The following THSD7B variants were observed in gnomAD, a reference collection of about 807,000 sequenced individuals.
THSD7B encodes thrombospondin type 1 domain containing 7B, also known as thrombospondin type-1 domain-containing protein 7B.
A neutral mutation model predicts 213.6 loss-of-function variants in THSD7B; 138 were observed. The ratio of observed to expected loss-of-function variants is 0.65; its 90% CI spans 0.56 to 0.74. The LOEUF (loss-of-function observed/expected upper bound fraction) is 0.74. Among genes scored for constraint, THSD7B ranks in the 30% least tolerant of loss-of-function variants. The pLI, the probability that THSD7B is intolerant of heterozygous loss-of-function variation, is 0.00. For missense variants in THSD7B, 1,931 were observed against 1,991.5 expected, an observed-to-expected ratio of 0.97 and a Z score of 0.58; for synonymous variants, 742 against 687.0, an observed-to-expected ratio of 1.08 and a Z score of -1.25.
intron 15 of THSD7B, among the ~76,000 whole-genome samples, chr2:137,482,852 G>A (rs1028394765): frequency 6.6e-6 from 1 of 152,198 alleles, no homozygotes; most frequent in Admixed American, 6.5e-5. Context: ...GGAAAGGCAG[G>A]AAGTGGGTGG....
intron 2 of THSD7B, among the ~76,000 whole-genome samples, chr2:137,033,087 TA>T (rs760074674): frequency 1.3e-4 from 20 of 152,156 alleles, no homozygotes; most frequent in Non-Finnish European, 2.4e-4. Flanking sequence ...GTGCTGAAAT[TA>T]AATTACATCA....
intron 7 of THSD7B, among the ~76,000 whole-genome samples, chr2:137,205,376 T>C (rs1420462526): frequency 6.6e-6 from 1 of 152,056 alleles, no homozygotes; most frequent in Non-Finnish European, 1.5e-5. Context: ...ATTCTTCCAG[T>C]CAACATAATT....
intron 15 of THSD7B, among the ~76,000 whole-genome samples, chr2:137,544,913 G>T (rs1680680494): frequency 6.6e-6 from 1 of 151,726 alleles, no homozygotes; most frequent in African/African-American, 2.4e-5. Context: ...AATAGCAGTG[G>T]TATTTTTGGA....
chr2:136,823,110 CGTGAAAGAGATGTGTAT>C (rs1682591941), intron 1 of THSD7B, among the ~76,000 whole-genome samples: 1 of 151,970 alleles, frequency 6.6e-6, no homozygotes, highest in Non-Finnish European at 1.5e-5. Flanking sequence ...GGTTATTTAA[CGTGAAAGAGATGTGTAT>C]CATATGGAGG....
chr2:137,521,956 C>G (rs887670033), intron 15 of THSD7B, among the ~76,000 whole-genome samples: 1 of 152,144 alleles, frequency 6.6e-6, no homozygotes, highest in Non-Finnish European at 1.5e-5. Context: ...ACCCAGTGTT[C>G]GAATCCCTCC....
intron 2 of THSD7B, among the ~76,000 whole-genome samples, chr2:136,985,917 C>T (rs1685665206): frequency 6.6e-6 from 1 of 152,258 alleles, no homozygotes; most frequent in Non-Finnish European, 1.5e-5. Flanking sequence ...GGATGTGGTA[C>T]ATGGAGTCAA....
chr2:136,952,692 T>C (rs1297816005), intron 2 of THSD7B, among the ~76,000 whole-genome samples: 2 of 152,292 alleles, frequency 1.3e-5, no homozygotes, highest in African/African-American at 4.8e-5. Flanking sequence ...ATTTCTATTG[T>C]GTTTTATGTT....
intron 15 of THSD7B, among the ~76,000 whole-genome samples, chr2:137,528,218 A>G (rs1220011479): frequency 6.6e-6 from 1 of 152,082 alleles, no homozygotes; most frequent in East Asian, 1.9e-4. Flanking sequence ...GTTTCATTGT[A>G]TAGTTTGGAA....
intron 17 of THSD7B, among the ~76,000 whole-genome samples, chr2:137,608,204 T>C (rs1682223287): frequency 6.6e-6 from 1 of 152,162 alleles, no homozygotes; most frequent in Non-Finnish European, 1.5e-5. Context: ...AGCTTGGCTC[T>C]CTCATTCTTT....
chr2:137,417,573 A>G (rs1466723263), intron 14 of THSD7B, among the ~76,000 whole-genome samples: 4 of 151,976 alleles, frequency 2.6e-5, no homozygotes, highest in African/African-American at 7.3e-5. Flanking sequence ...CTGAGTATCT[A>G]GGACTACTGG....
intron 15 of THSD7B, among the ~76,000 whole-genome samples, chr2:137,539,485 A>T (rs2105190256): frequency 6.6e-6 from 1 of 151,810 alleles, no homozygotes; most frequent in Non-Finnish European, 1.5e-5. Flanking sequence ...GCTTCATCAA[A>T]TTGTTCAAGT....
chr2:137,013,747 G>A (rs1686283153), intron 2 of THSD7B, among the ~76,000 whole-genome samples: 1 of 152,126 alleles, frequency 6.6e-6, no homozygotes, highest in Admixed American at 6.5e-5. Flanking sequence ...GCTTCAAGGA[G>A]GGTTCTCAGA....
Position 137,057,200 on chromosome 2 carries a change from C to T in THSD7B, c.920C>T (p.Thr307Ile). The part of the protein sequence containing the change: ...IGYQTRQVSC[T>I]RSDGQNAMLS... ...TATCAAACCCGGCAGGTTTCGTGTA[C>T]AAGAAGTGATGGACAAAATGCTATG... is the stretch of plus-strand genomic sequence containing the variant. Residue 307 changes from threonine (T) to isoleucine (I), a missense_variant, in exon 3 of 28, where the codon ACA (threonine) becomes ATA (isoleucine). By Grantham distance (89) the Thr-to-Ile change is moderately conservative (BLOSUM62 -1). Coordinates refer to ENST00000409968, the MANE Select transcript of THSD7B (RefSeq NM_001316349.2). 6.2e-7 allele frequency: 1 copy of T among 1,613,268 alleles called. No homozygotes were observed. The highest frequency in any genetic ancestry group is 8.5e-7 in the Non-Finnish European group (1 of 1,179,464).
intron 2 of THSD7B, among the ~76,000 whole-genome samples, chr2:136,903,222 A>G (rs2105014456): frequency 6.6e-6 from 1 of 152,334 alleles, no homozygotes; most frequent in African/African-American, 2.4e-5. Flanking sequence ...TGCCTGGCAT[A>G]TATTAAATGC....
chr2:137,246,095 GACA>G (rs1317258124), intron 10 of THSD7B, among the ~76,000 whole-genome samples: 1 of 152,176 alleles, frequency 6.6e-6, no homozygotes, highest in Non-Finnish European at 1.5e-5. Context: ...AGCAGGTGGG[GACA>G]GGGTGGGAGG....
At chr2:137,641,812 G>T (rs1001901659) in intron 20 of THSD7B, among the ~76,000 whole-genome samples, 1 of 152,126 alleles carries the variant, frequency 6.6e-6, no homozygotes, top group Non-Finnish European at 1.5e-5. Context: ...CATCTTGGTT[G>T]CTTCATACAA....
chr2:137,022,033 T>A (rs1029879791), intron 2 of THSD7B, among the ~76,000 whole-genome samples: 1 of 152,218 alleles, frequency 6.6e-6, no homozygotes. Context: ...TTTGTCCTTT[T>A]TAATTGCTGA....
chr2:137,195,348 AAC>A (rs552159975), intron 7 of THSD7B, among the ~76,000 whole-genome samples: 385 of 152,150 alleles, frequency 2.5e-3, no homozygotes, highest in African/African-American at 9.0e-3. Context: ...CTTCAGTAGC[AAC>A]AAGCCACTCC....
chr2:137,148,372 C>A (rs1236357037), intron 5 of THSD7B, among the ~76,000 whole-genome samples: 7 of 151,998 alleles, frequency 4.6e-5, no homozygotes, highest in African/African-American at 1.7e-4. Context: ...TGGACTAATA[C>A]AAAAAACTGG....
Sources: gnomAD v4.1 joint callset for allele counts (sites outside exome capture counted in the v4.1 genomes callset) on GRCh38, gnomAD v4.1.1 for gene constraint, MANE v1.5 for transcripts, NCBI Gene and HGNC (gene_info 2026-07-23, HGNC 2026-07-21) for gene names.